COL15A1: variants seen among roughly 807,000 people sequenced by gnomAD.
COL15A1 encodes the protein collagen type XV alpha 1 chain.
In COL15A1, 111 loss-of-function variants were observed where a neutral mutation model predicts 165.9. That is an observed-to-expected ratio of 0.67 (90% confidence interval 0.57 to 0.78). The LOEUF is 0.78. Among genes scored for constraint, COL15A1 ranks in the 30% least tolerant of loss-of-function variants. The pLI is 0.00. For missense variants in COL15A1, 1,745 were observed against 1,789.7 expected (o/e 0.98, Z 0.45); for synonymous variants, 659 against 674.8 (o/e 0.98, Z 0.36).
At chr9:98,960,254 G>T (rs1439186666) in intron 2 of COL15A1, among the ~76,000 whole-genome samples, 1 of 151,970 alleles carries the variant, frequency 6.6e-6, no homozygotes, top group African/African-American at 2.4e-5. Context: ...TAAAAAATTA[G>T]CATGATGTGG....
intron 2 of COL15A1, among the ~76,000 whole-genome samples, chr9:98,975,552 A>G (rs955066199): frequency 6.6e-6 from 1 of 152,216 alleles, no homozygotes; most frequent in Non-Finnish European, 1.5e-5. Context: ...TTGTTTCTTC[A>G]TGGCTGGGAT....
At chr9:99,040,869 C>T (rs544216137) in intron 23 of COL15A1, 1 of 354,160 alleles carries the variant, frequency 2.8e-6, no homozygotes, top group African/African-American at 2.0e-5. Flanking sequence ...TATGATAACA[C>T]TAAAAATAGT....
intron 2 of COL15A1, among the ~76,000 whole-genome samples, chr9:98,972,850 G>A (rs1838082983): frequency 6.6e-6 from 1 of 152,170 alleles, no homozygotes; most frequent in South Asian, 2.1e-4. Flanking sequence ...GTATGCAGCT[G>A]GGCCTGGGAG....
intron 40 of COL15A1, among the ~76,000 whole-genome samples, chr9:99,068,181 A>C (rs552410777): frequency 6.6e-6 from 1 of 152,126 alleles, no homozygotes; most frequent in African/African-American, 2.4e-5. Flanking sequence ...GCGAGTAAAA[A>C]TCGGCCAAGT....
chr9:99,054,705 G>C (rs1364263196), intron 32 of COL15A1, 49 bp downstream of exon 32: 1 of 1,567,212 alleles, frequency 6.4e-7, no homozygotes, highest in South Asian at 1.2e-5. Flanking sequence ...TTGCTCCTGA[G>C]AACAAATGCG....
chr9:99,031,148 C>G (rs980098702), intron 16 of COL15A1, among the ~76,000 whole-genome samples: 3 of 152,118 alleles, frequency 2.0e-5, no homozygotes, highest in Non-Finnish European at 4.4e-5. Flanking sequence ...ATGAAGCTGC[C>G]CCTGGAGACC....
At chr9:99,031,512 A>C (rs1292480811) in intron 16 of COL15A1, among the ~76,000 whole-genome samples, 1 of 152,032 alleles carries the variant, frequency 6.6e-6, no homozygotes, top group East Asian at 1.9e-4. Context: ...AGAAAGGGGG[A>C]GATTGTTGCG....
chr9:99,034,466 G>C, intron 16 of COL15A1, 83 bp from the exon 17 acceptor site: 1 of 1,511,384 alleles, frequency 6.6e-7, no homozygotes, highest in Non-Finnish European at 8.9e-7. Flanking sequence ...TTTCCTTGGA[G>C]TCCATAATTG....
At chr9:98,945,063 T>C (rs981279509) in intron 2 of COL15A1, among the ~76,000 whole-genome samples, 3 of 152,212 alleles carry the variant, frequency 2.0e-5, no homozygotes, top group African/African-American at 4.8e-5. Flanking sequence ...AGAAATGTTG[T>C]GAATATTAGA....
At chr9:98,952,255 G>C (rs1356685561) in intron 2 of COL15A1, among the ~76,000 whole-genome samples, 1 of 152,172 alleles carries the variant, frequency 6.6e-6, no homozygotes, top group Non-Finnish European at 1.5e-5. Flanking sequence ...GGCTTTGTCA[G>C]CTGTAGGGTG....
chr9:99,052,617 A>C (rs1839610082), intron 31 of COL15A1, among the ~76,000 whole-genome samples, 184 bp downstream of exon 31: 1 of 152,196 alleles, frequency 6.6e-6, no homozygotes, highest in African/African-American at 2.4e-5. Flanking sequence ...TTGGTCACAC[A>C]TGTGCCTATT....
In COL15A1 at chr9:99,020,411, T is replaced by C. The variant is rs1303352774; in HGVS notation, c.1670T>C (p.Met557Thr). 1 of 1,613,738 alleles carries C rather than the reference T, an allele frequency of 6.2e-7. No homozygotes were observed. Reference sequence around the variant, plus strand: ...TAGGCTCAAAGAGAACATGTGGGAATGAAAGGACAGGCTGGGCCCAAAGGA... The same window carrying C: ...TAGGCTCAAAGAGAACATGTGGGAACGAAAGGACAGGCTGGGCCCAAAGGA... ...ITPAQREHVG[M>T]KGQAGPKGEK... Residue 557 changes from methionine (M) to threonine (T), a missense_variant, in exon 12 of 42, where the codon ATG (methionine) becomes ACG (threonine). By Grantham distance (81) the Met-to-Thr change is moderately conservative. Transcript: ENST00000375001.
chr9:98,967,451 A>G (rs1837975308), intron 2 of COL15A1, among the ~76,000 whole-genome samples: 3 of 152,170 alleles, frequency 2.0e-5, no homozygotes, highest in African/African-American at 7.2e-5. Flanking sequence ...CCAGGGGCTG[A>G]CTTGGACAGG....
chr9:99,046,472 G>A (rs1414159546), intron 26 of COL15A1, among the ~76,000 whole-genome samples: 1 of 152,168 alleles, frequency 6.6e-6, no homozygotes, highest in African/African-American at 2.4e-5. Flanking sequence ...ACGCTGCTAT[G>A]AAGAAATACC....
chr9:99,056,448 T>C, intron 35 of COL15A1, 44 bp downstream of exon 35: 1 of 1,551,482 alleles, frequency 6.4e-7, no homozygotes, highest in Non-Finnish European at 8.7e-7. Context: ...GTCCCTACCA[T>C]TGTGTTCAAG....
In COL15A1 at chr9:99,003,497, C is replaced by T; in HGVS notation, c.1110C>T (p.Ser370=). 6.4e-7 allele frequency: 1 copy of T among 1,563,150 alleles called. No individual in the cohort carries two copies. The highest frequency in any genetic ancestry group is 1.4e-5 in the African/African-American group (1 of 72,744). ...TAAGLAEVPI[S]TAGEAEASSV... Reference sequence around the variant, plus strand: ...CGGGGCTGGCCGAGGTGCCCATCAGCACTGCTGGAGAAGCAGAGGCCAGCA... The same window carrying T: ...CGGGGCTGGCCGAGGTGCCCATCAGTACTGCTGGAGAAGCAGAGGCCAGCA... The change falls in exon 8 of 42, where the codon AGC becomes AGT. Residue 370 remains serine, a synonymous_variant. Transcript: ENST00000375001.
At chr9:98,945,182 C>A (rs924168423) in intron 2 of COL15A1, among the ~76,000 whole-genome samples, 3 of 152,112 alleles carry the variant, frequency 2.0e-5, no homozygotes, top group African/African-American at 7.2e-5. Flanking sequence ...GAAAGCAATG[C>A]AAGTATTTTT....
chr9:99,062,071 G>C lies in COL15A1; in HGVS notation c.3503G>C (p.Arg1168Pro), dbSNP rs200568959. ...YLRDSTEFFI[R>P]VRDGWKKLQL... ...AGGGACAGCACTGAGTTTTTCATTC[G>C]TGTTAGAGATGGCTGGAAAAAATTA... Residue 1168 changes from arginine to proline, a missense_variant, in exon 37 of 42, where the codon CGT becomes CCT. Physicochemically the swap from Arg to Pro is moderately radical, Grantham distance 103. Coordinates refer to ENST00000375001, the MANE Select transcript of COL15A1 (RefSeq NM_001855.5). The C allele has an allele frequency of 6.2e-7, 1 of 1,614,044 alleles. No individual in the cohort carries two copies. The highest frequency in any genetic ancestry group is 8.5e-7 in the Non-Finnish European group (1 of 1,180,000).
At chr9:98,947,732 G>A (rs1056181753) in intron 2 of COL15A1, among the ~76,000 whole-genome samples, 3 of 152,130 alleles carry the variant, frequency 2.0e-5, no homozygotes, top group Admixed American at 2.0e-4. Flanking sequence ...TCTCTGGATC[G>A]ACTCTCCCTA....
Sources: gnomAD v4.1 joint callset for allele counts (sites outside exome capture counted in the v4.1 genomes callset) on GRCh38, gnomAD v4.1.1 for gene constraint, MANE v1.5 for transcripts, NCBI Gene and HGNC (gene_info 2026-07-23, HGNC 2026-07-21) for gene names.